TBL1XR1: variants seen among roughly 807,000 people sequenced by gnomAD.
TBL1XR1 encodes F-box-like/WD repeat-containing protein TBL1XR1.
A neutral mutation model predicts 66.9 loss-of-function variants in TBL1XR1; 5 were observed. That is an observed-to-expected ratio of 0.07 (90% CI 0.04 to 0.16). TBL1XR1 has a LOEUF of 0.16. Among genes scored for constraint, TBL1XR1 ranks in the 10% least tolerant of loss-of-function variants. The probability of loss-of-function intolerance (pLI) is 1.00; values close to 1 mark genes in which losing one functional copy is unlikely to be tolerated. For missense variants in TBL1XR1, 238 were observed against 623.2 expected (o/e 0.38, Z 6.58); for synonymous variants, 210 against 206.0 (o/e 1.02, Z -0.17).
chr3:177,088,668 T>A (rs1722448527), intron 2 of TBL1XR1, among the ~76,000 whole-genome samples: 1 of 151,324 alleles, frequency 6.6e-6, no homozygotes, highest in Non-Finnish European at 1.5e-5. Flanking sequence ...ATCAGTTAAA[T>A]ATAACTCCAA....
intron 2 of TBL1XR1, among the ~76,000 whole-genome samples, chr3:177,068,416 G>T (rs1170337071): frequency 6.6e-6 from 1 of 152,124 alleles, no homozygotes; most frequent in African/African-American, 2.4e-5. Flanking sequence ...GCCAATTGGT[G>T]GCTATATTCA....
chr3:177,158,797 G>A (rs566203564), intron 1 of TBL1XR1, among the ~76,000 whole-genome samples: 4 of 152,166 alleles, frequency 2.6e-5, no homozygotes, highest in Non-Finnish European at 4.4e-5. Context: ...CAGCCCTAAG[G>A]CTATATAAAC....
intron 2 of TBL1XR1, among the ~76,000 whole-genome samples, chr3:177,075,203 G>A (rs768746230): frequency 3.6e-4 from 55 of 152,202 alleles, no homozygotes; most frequent in Non-Finnish European, 7.2e-4. Context: ...GGTAGCACCC[G>A]GCATTCCTTG....
At chr3:177,190,636 C>G (rs751192590) in intron 1 of TBL1XR1, among the ~76,000 whole-genome samples, 1 of 152,138 alleles carries the variant, frequency 6.6e-6, no homozygotes, top group Non-Finnish European at 1.5e-5. Context: ...CCATTTTCAT[C>G]TAAGAAACTA....
At chr3:177,191,011 G>A (rs368906784) in intron 1 of TBL1XR1, among the ~76,000 whole-genome samples, 4 of 152,294 alleles carry the variant, frequency 2.6e-5, no homozygotes, top group African/African-American at 9.6e-5. Flanking sequence ...CATGGAAGAA[G>A]GGGGACTGAA....
At chr3:177,076,432 A>C (rs1052433828) in intron 2 of TBL1XR1, among the ~76,000 whole-genome samples, 4 of 152,150 alleles carry the variant, frequency 2.6e-5, no homozygotes, top group Non-Finnish European at 1.5e-5. Context: ...ATTACGATCT[A>C]CCTAAATGAT....
At chr3:177,112,389 C>T (rs1201835) in intron 1 of TBL1XR1, among the ~76,000 whole-genome samples, 67,659 of 150,946 alleles carry the variant, frequency 0.45, 15,479 homozygotes, top group East Asian at 0.67. Flanking sequence ...ATTACAGGCA[C>T]GAGCCACGGC....
chr3:177,039,181 T>G (rs1476965355), intron 10 of TBL1XR1, among the ~76,000 whole-genome samples: 1 of 152,210 alleles, frequency 6.6e-6, no homozygotes, highest in African/African-American at 2.4e-5. Flanking sequence ...TTGCCTTATG[T>G]ATATGCAAAT....
At chr3:177,163,599 A>G (rs200153737) in intron 1 of TBL1XR1, among the ~76,000 whole-genome samples, 1 of 152,130 alleles carries the variant, frequency 6.6e-6, no homozygotes, top group East Asian at 1.9e-4. Context: ...AGTGACTAGT[A>G]CCCTAATATT....
chr3:177,168,768 T>C (rs1175064989), intron 1 of TBL1XR1, among the ~76,000 whole-genome samples: 1 of 152,186 alleles, frequency 6.6e-6, no homozygotes, highest in East Asian at 1.9e-4. Flanking sequence ...AAATAAAAAT[T>C]CAATCATTTC....
intron 1 of TBL1XR1, among the ~76,000 whole-genome samples, chr3:177,142,364 C>T (rs565400315): frequency 3.9e-5 from 6 of 152,292 alleles, no homozygotes; most frequent in Admixed American, 2.0e-4. Context: ...CTTAATTACA[C>T]GCAAACTAAG....
rs1736084926 is a variant in TBL1XR1 at position 177,191,068 on chromosome 3, A to G, written c.-122+6053T>C. 2.0e-5 allele frequency among the ~76,000 whole-genome samples: 3 copies of G among 152,146 alleles called. No homozygotes were observed. In the South Asian group the frequency reaches 6.2e-4, roughly 32 times the overall value. On this transcript the variant is annotated intron_variant, in intron 1 of 15. Transcript: ENST00000457928. Reference sequence around the variant, plus strand: ...AGGGAACAACAGCATGCACAAAAGCAAAGTAGTGAGTATGGCAAAAACTAC... The same window carrying G: ...AGGGAACAACAGCATGCACAAAAGCGAAGTAGTGAGTATGGCAAAAACTAC...
intron 3 of TBL1XR1, among the ~76,000 whole-genome samples, chr3:177,060,303 C>CA (rs1410119114): frequency 6.6e-6 from 1 of 152,126 alleles, no homozygotes; most frequent in Non-Finnish European, 1.5e-5. Flanking sequence ...AGACAGTATG[C>CA]AACATCGGTT....
At chr3:177,169,338 ATC>A (rs574697368) in intron 1 of TBL1XR1, among the ~76,000 whole-genome samples, 134 of 152,318 alleles carry the variant, frequency 8.8e-4, no homozygotes, top group African/African-American at 2.9e-3. Context: ...TTTTACAATT[ATC>A]TCTCTTTTTA....
chr3:177,133,364 C>T (rs1435713799), intron 1 of TBL1XR1, among the ~76,000 whole-genome samples: 1 of 152,120 alleles, frequency 6.6e-6, no homozygotes, highest in Non-Finnish European at 1.5e-5. Context: ...TATTTACCAC[C>T]CCCTGACAAT....
intron 1 of TBL1XR1, among the ~76,000 whole-genome samples, chr3:177,189,949 G>A (rs1577440674): frequency 6.6e-6 from 1 of 151,932 alleles, no homozygotes; most frequent in East Asian, 1.9e-4. Flanking sequence ...AGGAAATAAT[G>A]AAGAAAAAAC....
intron 1 of TBL1XR1, among the ~76,000 whole-genome samples, chr3:177,144,682 G>C (rs1242625725): frequency 6.6e-6 from 1 of 152,016 alleles, no homozygotes; most frequent in African/African-American, 2.4e-5. Context: ...GAACCCAGGA[G>C]GCGGAGCTTG....
chr3:177,116,192 A>C (rs1726288796), intron 1 of TBL1XR1, among the ~76,000 whole-genome samples: 2 of 152,026 alleles, frequency 1.3e-5, no homozygotes, highest in Non-Finnish European at 1.5e-5. Context: ...AGACATCATC[A>C]TTCTCCCCCC....
chr3:177,137,335 T>TA (rs1329011950), intron 1 of TBL1XR1, among the ~76,000 whole-genome samples: 1 of 150,888 alleles, frequency 6.6e-6, no homozygotes, highest in Non-Finnish European at 1.5e-5. Flanking sequence ...TTACAAAAAA[T>TA]ACAAAAATCG....
Sources: gnomAD v4.1 joint callset for allele counts (sites outside exome capture counted in the v4.1 genomes callset) on GRCh38, gnomAD v4.1.1 for gene constraint, MANE v1.5 for transcripts, NCBI Gene and HGNC (gene_info 2026-07-23, HGNC 2026-07-21) for gene names.